The following WWOX variants were observed in gnomAD, a reference collection of about 807,000 sequenced individuals.
WWOX encodes the protein WW domain containing oxidoreductase, also known as WW domain-containing oxidoreductase.
A neutral mutation model predicts 46.2 loss-of-function variants in WWOX; 69 were observed. The observed-to-expected ratio is 1.49, with a 90% CI of 1.23 to 1.82. WWOX has a LOEUF of 1.82. WWOX is among the 40% of genes most tolerant of loss of function. The pLI is 0.00. For synonymous variants in WWOX, 359 were observed against 202.6 expected (o/e 1.77, Z -6.56); for missense variants, 919 against 542.6 (o/e 1.69, Z -6.89).
intron 8 of WWOX, among the ~76,000 whole-genome samples, chr16:78,523,214 T>G (rs2043387207): frequency 6.6e-6 from 1 of 152,220 alleles, no homozygotes; most frequent in Non-Finnish European, 1.5e-5. Context: ...CCATCTTCAT[T>G]TAAAGGCACG....
intron 8 of WWOX, among the ~76,000 whole-genome samples, chr16:78,888,946 A>C (rs959174065): frequency 6.7e-6 from 1 of 148,496 alleles, no homozygotes; most frequent in South Asian, 2.1e-4. Context: ...CAAGCCCCAT[A>C]ATCTCCCCCT....
At chr16:78,249,358 G>C (rs915126251) in intron 5 of WWOX, among the ~76,000 whole-genome samples, 3 of 152,222 alleles carry the variant, frequency 2.0e-5, no homozygotes. Flanking sequence ...CACTTTGCCA[G>C]GCGTGGGCCA....
chr16:79,137,520 G>C (rs922104901), intron 8 of WWOX, among the ~76,000 whole-genome samples: 1 of 152,142 alleles, frequency 6.6e-6, no homozygotes, highest in Non-Finnish European at 1.5e-5. Context: ...TGACATGTTG[G>C]ACCCGTGGCA....
At chr16:78,856,394 G>T (rs2052567523) in intron 8 of WWOX, among the ~76,000 whole-genome samples, 1 of 152,162 alleles carries the variant, frequency 6.6e-6, no homozygotes, top group Non-Finnish European at 1.5e-5. Context: ...TGTAATCGCA[G>T]CACTTTGGTT....
At chr16:78,308,354 G>T (rs2080172298) in intron 5 of WWOX, among the ~76,000 whole-genome samples, 1 of 152,150 alleles carries the variant, frequency 6.6e-6, no homozygotes, top group African/African-American at 2.4e-5. Context: ...AGGCAGTGAT[G>T]GGAAGAGGGG....
intron 6 of WWOX, among the ~76,000 whole-genome samples, chr16:78,424,312 G>A (rs1175079548): frequency 6.6e-6 from 1 of 151,872 alleles, no homozygotes; most frequent in Admixed American, 6.6e-5. Context: ...CAGAGATGGG[G>A]TTTCACCATG....
chr16:78,656,773 C>G (rs956994387), intron 8 of WWOX, among the ~76,000 whole-genome samples: 1 of 152,174 alleles, frequency 6.6e-6, no homozygotes, highest in Non-Finnish European at 1.5e-5. Flanking sequence ...GGGTTCCTTC[C>G]AAACCCAAGC....
chr16:78,994,541 G>C (rs2046950013), intron 8 of WWOX: 1 of 152,196 alleles, frequency 6.6e-6, no homozygotes, highest in Non-Finnish European at 1.5e-5. Flanking sequence ...TTATCAATGA[G>C]ATCAGATTTC....
At chr16:78,859,678 A>C (rs2052671021) in intron 8 of WWOX, among the ~76,000 whole-genome samples, 1 of 152,178 alleles carries the variant, frequency 6.6e-6, no homozygotes, top group African/African-American at 2.4e-5. Context: ...CAGGGCGAGT[A>C]ATGTACTCAA....
chr16:78,472,490 T>A (rs189750051), intron 8 of WWOX, among the ~76,000 whole-genome samples: 1 of 152,162 alleles, frequency 6.6e-6, no homozygotes, highest in Non-Finnish European at 1.5e-5. Context: ...ATTTGAAATA[T>A]GTGCCCTGAA....
intron 6 of WWOX, among the ~76,000 whole-genome samples, chr16:78,398,424 A>G (rs181184315): frequency 3.4e-4 from 52 of 152,318 alleles, no homozygotes; most frequent in Admixed American, 3.3e-4. Flanking sequence ...CAAAGTGACA[A>G]TGAGGGTAGT....
At chr16:78,328,928 C>T (rs901959707) in intron 5 of WWOX, among the ~76,000 whole-genome samples, 1 of 152,092 alleles carries the variant, frequency 6.6e-6, no homozygotes, top group Non-Finnish European at 1.5e-5. Flanking sequence ...GTGGTGCGAT[C>T]TCAGCTCACT....
intron 8 of WWOX, among the ~76,000 whole-genome samples, chr16:78,478,100 A>C (rs1248267273): frequency 6.6e-6 from 1 of 152,184 alleles, no homozygotes; most frequent in African/African-American, 2.4e-5. Context: ...TGAGTTATAA[A>C]AATGTTTGTA....
At chr16:79,080,907 C>T (rs746726875) in intron 8 of WWOX, among the ~76,000 whole-genome samples, 1 of 152,112 alleles carries the variant, frequency 6.6e-6, no homozygotes, top group Non-Finnish European at 1.5e-5. Flanking sequence ...CACCCAGTCT[C>T]TTAAATTAAG....
intron 8 of WWOX, among the ~76,000 whole-genome samples, chr16:79,014,760 G>A (rs990918015): frequency 3.9e-5 from 6 of 152,254 alleles, no homozygotes; most frequent in African/African-American, 9.6e-5. Context: ...AAGTGGATTC[G>A]AGTTAGTTTT....
chr16:78,386,325 G>A (rs568934629), intron 5 of WWOX, among the ~76,000 whole-genome samples: 30 of 152,282 alleles, frequency 2.0e-4, no homozygotes, highest in African/African-American at 7.0e-4. Flanking sequence ...TACTAAGCCA[G>A]GGTGTTGCCT....
chr16:78,454,487 G>T (rs200800477), intron 8 of WWOX, among the ~76,000 whole-genome samples: 10 of 139,230 alleles, frequency 7.2e-5, no homozygotes, highest in African/African-American at 2.9e-4. Flanking sequence ...GTGTTTTTGT[G>T]TTTTTGTTTG....
intron 8 of WWOX, among the ~76,000 whole-genome samples, chr16:78,707,857 A>G (rs1198404940): frequency 1.3e-5 from 2 of 148,794 alleles, no homozygotes; most frequent in Non-Finnish European, 3.0e-5. Flanking sequence ...AAATAAATAA[A>G]TAAATAAATA....
At chr16:78,571,266 A>G (rs1936255117) in intron 8 of WWOX, among the ~76,000 whole-genome samples, 1 of 152,136 alleles carries the variant, frequency 6.6e-6, no homozygotes, top group South Asian at 2.1e-4. Flanking sequence ...TGAGCCAGTA[A>G]TGGTTTAGAA....
Sources: gnomAD v4.1 joint callset for allele counts (sites outside exome capture counted in the v4.1 genomes callset) on GRCh38, gnomAD v4.1.1 for gene constraint, MANE v1.5 for transcripts, NCBI Gene and HGNC (gene_info 2026-07-23, HGNC 2026-07-21) for gene names.